The following STT3B variants were observed in gnomAD, a reference collection of about 807,000 sequenced individuals.
STT3B encodes the protein STT3 oligosaccharyltransferase complex catalytic subunit B, also known as dolichyl-diphosphooligosaccharide--protein glycosyltransferase subunit STT3B.
A neutral mutation model predicts 96.8 loss-of-function variants in STT3B; 29 were observed. The observed-to-expected ratio is 0.30, with a 90% CI of 0.22 to 0.41. STT3B has a LOEUF of 0.41. STT3B is among the 10% of genes least tolerant of loss of function. The pLI, the probability that STT3B is intolerant of heterozygous loss-of-function variation, is 1.00. For missense variants in STT3B, 640 were observed against 1,022.3 expected (o/e 0.63, Z 5.10); for synonymous variants, 367 against 360.0 (o/e 1.02, Z -0.22).
intron 2 of STT3B, among the ~76,000 whole-genome samples, chr3:31,578,867 A>G (rs1698315997): frequency 6.6e-6 from 1 of 152,180 alleles, no homozygotes. Flanking sequence ...GATAAGTATT[A>G]TGGAGAAAAA....
chr3:31,631,657 T>C (rs1030373906), intron 14 of STT3B, among the ~76,000 whole-genome samples: 9 of 152,110 alleles, frequency 5.9e-5, no homozygotes, highest in Non-Finnish European at 1.0e-4. Flanking sequence ...TGTTTTAAAG[T>C]TGAGTTTGGC....
intron 15 of STT3B, among the ~76,000 whole-genome samples, chr3:31,633,812 G>T (rs1040104412): frequency 6.6e-6 from 1 of 152,020 alleles, no homozygotes; most frequent in African/African-American, 2.4e-5. Context: ...GTAGGAAATG[G>T]GAAGTAATGA....
At position 31,561,815 on chromosome 3, in the gene STT3B, T is replaced by C. The variant is rs78922165; in HGVS notation, c.315-14581T>C. ...GAATTTTTTCCTGAAGATATATGTA[T>C]GGTGTTGGTTGGATATGGCACTTTG... On this transcript the variant is annotated intron_variant, in intron 1 of 15. Coordinates refer to ENST00000295770, the MANE Select transcript of STT3B (RefSeq NM_178862.3). Among the ~76,000 whole-genome samples, 327 of 152,306 alleles carry C rather than the reference T, an allele frequency of 2.1e-3. 12 individuals carry two copies. In the East Asian group the frequency reaches 0.055, roughly 25 times the overall value.
chr3:31,635,972 G>C lies in STT3B; in HGVS notation c.2401-12G>C, dbSNP rs1450200672. 4 of 1,592,868 alleles carry C rather than the reference G, an allele frequency of 2.5e-6. No homozygotes were observed. The highest frequency in any genetic ancestry group is 4.5e-5 in the East Asian group (2 of 44,578). On this transcript the variant is annotated splice_polypyrimidine_tract_variant and intron_variant, in intron 15 of 15. Transcript: ENST00000295770. ...AACCTGCATTAATACTATGTGTTTTGTTTTTTTATAGACTACCAAAAGGAA... is the reference window on the plus strand; with the variant it reads ...AACCTGCATTAATACTATGTGTTTTCTTTTTTTATAGACTACCAAAAGGAA...
rs763169035 is a variant in STT3B, at chr3:31,533,307, C to T, written c.309C>T (p.Asp103=). 9.1e-6 allele frequency: 14 copies of T among 1,532,550 alleles called. No individual in the cohort carries two copies. The highest frequency in any genetic ancestry group is 2.9e-5 in the African/African-American group (2 of 69,666). 94.9% of individuals were successfully genotyped at this position (1,532,550 alleles called of 1,614,324 possible). A position where few individuals can be genotyped will look rare whatever the true frequency, so the allele number is the denominator to read the frequency against. The change falls in exon 1 of 16, where the codon GAC becomes GAT. Residue 103 remains aspartate, a synonymous_variant. Coordinates refer to ENST00000295770, the MANE Select transcript of STT3B (RefSeq NM_178862.3). ...TCGAAAGCATCATCCACGAGTTCGA[C>T]CCGTGGTAAGTGCCTCGCCGCCCCT... ...IRFESIIHEF[D]PWFNYRSTHH...
Position 31,576,430 on chromosome 3 carries a change from C to T in STT3B, c.349C>T (p.His117Tyr). 2.5e-6 allele frequency: 4 copies of T among 1,604,870 alleles called. No individual in the cohort carries two copies. The highest frequency in any genetic ancestry group is 2.3e-5 in the East Asian group (1 of 44,398). Residue 117 changes from histidine (H) to tyrosine (Y), a missense_variant, in exon 2 of 16, where the codon CAT (histidine) becomes TAT (tyrosine). This residue lies in a region of STT3B where 267 missense variants were observed against 388.3 expected (regional missense o/e 0.69). Coordinates refer to ENST00000295770, the MANE Select transcript of STT3B (RefSeq NM_178862.3). The stretch of plus-strand genomic sequence containing the variant: ...TAGATCAACACATCATCTTGCATCT[C>T]ATGGGTTCTATGAATTTTTAAATTG... ...NYRSTHHLAS[H>Y]GFYEFLNWFD...
At chr3:31,607,045 A>G (rs916817377) in intron 5 of STT3B, among the ~76,000 whole-genome samples, 1 of 152,170 alleles carries the variant, frequency 6.6e-6, no homozygotes. Flanking sequence ...TGGGACCTTC[A>G]GCGCCTTTAT....
chr3:31,622,277 A>G lies in STT3B; in HGVS notation c.1508A>G (p.Asp503Gly), dbSNP rs1468989421. The G allele has an allele frequency of 6.2e-7, 1 of 1,614,142 alleles. No individual in the cohort carries two copies. The highest frequency in any genetic ancestry group is 8.5e-7 in the Non-Finnish European group (1 of 1,179,966). Residue 503 changes from aspartate (D) to glycine (G), a missense_variant, in exon 10 of 16, where the codon GAC becomes GGC. Coordinates refer to ENST00000295770, the MANE Select transcript of STT3B (RefSeq NM_178862.3). ...PPVEDSSDED[D>G]KRNQGNLYDK... ...GTGGAGGACAGCAGTGATGAGGATGACAAAAGAAACCAAGGAAATTTGTAT... is the reference window on the plus strand; with the variant it reads ...GTGGAGGACAGCAGTGATGAGGATGGCAAAAGAAACCAAGGAAATTTGTAT...
At chr3:31,538,959 G>A (rs1351627601) in intron 1 of STT3B, among the ~76,000 whole-genome samples, 1 of 152,044 alleles carries the variant, frequency 6.6e-6, no homozygotes, top group Admixed American at 6.6e-5. Flanking sequence ...TTTTAAAGTC[G>A]AATATATTAG....
chr3:31,567,367 T>C (rs1698031269), intron 1 of STT3B, among the ~76,000 whole-genome samples: 1 of 152,190 alleles, frequency 6.6e-6, no homozygotes, highest in South Asian at 2.1e-4. Flanking sequence ...CTGTTCCTGA[T>C]TGATTCTTTT....
chr3:31,599,670 A>G (rs866475586), intron 4 of STT3B, among the ~76,000 whole-genome samples: 1 of 152,190 alleles, frequency 6.6e-6, no homozygotes, highest in African/African-American at 2.4e-5. Context: ...CTTATTACCT[A>G]TTATTTAGTG....
At chr3:31,602,762 G>C (rs1698959702) in intron 5 of STT3B, among the ~76,000 whole-genome samples, 1 of 149,456 alleles carries the variant, frequency 6.7e-6, no homozygotes, top group Non-Finnish European at 1.5e-5. Context: ...ATAATAAAAT[G>C]GGTTAGGGAT....
intron 13 of STT3B, among the ~76,000 whole-genome samples, chr3:31,628,142 T>C (rs1201206809): frequency 6.8e-6 from 1 of 147,226 alleles, no homozygotes; most frequent in East Asian, 2.0e-4. Flanking sequence ...ATTAGATCGA[T>C]GTAGCCATTT....
At chr3:31,581,850 C>G (rs1325202280) in intron 3 of STT3B, among the ~76,000 whole-genome samples, 1 of 152,134 alleles carries the variant, frequency 6.6e-6, no homozygotes, top group African/African-American at 2.4e-5. Context: ...TGGGAGATTT[C>G]TGATTGCTGA....
intron 3 of STT3B, among the ~76,000 whole-genome samples, chr3:31,592,170 A>G (rs1430640786): frequency 6.6e-6 from 1 of 151,990 alleles, no homozygotes; most frequent in Non-Finnish European, 1.5e-5. Flanking sequence ...TTTTGTCTCT[A>G]TGATTTTGAC....
At chr3:31,544,154 A>G (rs114914315) in intron 1 of STT3B, among the ~76,000 whole-genome samples, 4,017 of 152,292 alleles carry the variant, frequency 0.026, 178 homozygotes, top group African/African-American at 0.092. Flanking sequence ...TTAATGATTC[A>G]TTTGGTTTCA....
intron 1 of STT3B, among the ~76,000 whole-genome samples, chr3:31,547,429 G>A (rs568016198): frequency 2.7e-4 from 41 of 152,266 alleles, no homozygotes; most frequent in Admixed American, 4.6e-4. Context: ...AGGATCACTT[G>A]AGGTCAGGAG....
At chr3:31,537,884 C>T (rs1025921114) in intron 1 of STT3B, among the ~76,000 whole-genome samples, 1 of 151,996 alleles carries the variant, frequency 6.6e-6, no homozygotes, top group African/African-American at 2.4e-5. Flanking sequence ...TCTTAGTATT[C>T]GTCTGTGCAC....
At chr3:31,616,211 G>C (rs139973279) in intron 6 of STT3B, among the ~76,000 whole-genome samples, 23 of 151,822 alleles carry the variant, frequency 1.5e-4, no homozygotes, top group Admixed American at 1.5e-3. Context: ...AGAACTTAAG[G>C]CCTATTTGTT....
Sources: allele counts gnomAD v4.1 joint callset (sites outside exome capture counted in the v4.1 genomes callset), GRCh38; gene constraint gnomAD v4.1.1; regional missense constraint gnomAD v4.1.1; transcripts MANE v1.5; gene names NCBI Gene and HGNC (gene_info 2026-07-23, HGNC 2026-07-21).